SHB: variants seen among roughly 807,000 people sequenced by gnomAD.
The protein encoded by SHB is SH2 domain containing adaptor protein B.
In SHB, 20 loss-of-function variants were observed where a neutral mutation model predicts 52.3. That is an observed-to-expected ratio of 0.38 (90% CI 0.27 to 0.56). SHB has a LOEUF of 0.56. SHB is among the 20% of genes least tolerant of loss of function. The pLI is 0.71. For synonymous variants in SHB, 397 were observed against 316.5 expected (o/e 1.25, Z -2.70); for missense variants, 825 against 723.3 (o/e 1.14, Z -1.61).
rs542090998 is a variant in SHB at position 38,052,827 on chromosome 9, G to A, written c.717+15102C>T. On this transcript the variant is annotated intron_variant, in intron 1 of 5. Transcript: ENST00000377707. ...TGGCTTCTCCTCCATCATCTACTAG[G>A]GACCATTCAGAGGGCCCCTCTCCCG... Among the ~76,000 whole-genome samples, 7 of 152,254 alleles carry A rather than the reference G, an allele frequency of 4.6e-5. No individual in the cohort carries two copies. The South Asian group carries it at 1.5e-3, about 32-fold the overall frequency.
At chr9:37,997,684 TGTG>T (rs202184007) in intron 2 of SHB, among the ~76,000 whole-genome samples, 2,096 of 152,322 alleles carry the variant, frequency 0.014, 18 homozygotes, top group Middle Eastern at 0.034. Flanking sequence ...ATCTCATCTT[TGTG>T]GTTGGCCTTC....
At chr9:38,006,690 G>A (rs539679793) in intron 2 of SHB, among the ~76,000 whole-genome samples, 7 of 152,352 alleles carry the variant, frequency 4.6e-5, no homozygotes, top group Admixed American at 1.3e-4. Flanking sequence ...AGCCCTCGCT[G>A]ACAAACGCTC....
chr9:38,048,501 G>A (rs148588399), intron 1 of SHB, among the ~76,000 whole-genome samples: 97 of 152,250 alleles, frequency 6.4e-4, no homozygotes, highest in Non-Finnish European at 8.4e-4. Flanking sequence ...GGGCATGGTG[G>A]TGAGTGCCTG....
chr9:38,023,905 C>T (rs1821310726), intron 1 of SHB, among the ~76,000 whole-genome samples: 1 of 152,234 alleles, frequency 6.6e-6, no homozygotes, highest in African/African-American at 2.4e-5. Flanking sequence ...CTCTTCCTGT[C>T]CTCAGCTTTG....
At chr9:38,030,326 T>C (rs1470301866) in intron 1 of SHB, among the ~76,000 whole-genome samples, 3 of 152,134 alleles carry the variant, frequency 2.0e-5, no homozygotes, top group African/African-American at 7.2e-5. Context: ...CACAGCAAAA[T>C]GAGCCCAGAT....
chr9:37,969,396 A>T (rs1377574887), intron 3 of SHB, among the ~76,000 whole-genome samples: 1 of 152,200 alleles, frequency 6.6e-6, no homozygotes, highest in Non-Finnish European at 1.5e-5. Context: ...GAGGGTGATT[A>T]TGAGGATTGA....
intron 1 of SHB, among the ~76,000 whole-genome samples, chr9:38,036,166 C>G (rs1295783504): frequency 6.6e-6 from 1 of 152,156 alleles, no homozygotes; most frequent in African/African-American, 2.4e-5. Flanking sequence ...TTGCTCAAGC[C>G]CTGCTGCCCC....
chr9:37,983,008 C>A (rs1820757649), intron 2 of SHB, among the ~76,000 whole-genome samples: 1 of 146,952 alleles, frequency 6.8e-6, no homozygotes, highest in Non-Finnish European at 1.5e-5. Context: ...GTGCTGGCAT[C>A]CACCTGTCCT....
At chr9:38,027,444 C>T (rs934342969) in intron 1 of SHB, among the ~76,000 whole-genome samples, 1 of 152,142 alleles carries the variant, frequency 6.6e-6, no homozygotes, top group African/African-American at 2.4e-5. Context: ...AGATGCTGCT[C>T]TTATCCTCTA....
chr9:37,924,760 GCAAA>G (rs1204970069), intron 5 of SHB, among the ~76,000 whole-genome samples: 29 of 152,200 alleles, frequency 1.9e-4, no homozygotes, highest in Admixed American at 1.9e-3. Flanking sequence ...AAACTGTAGA[GCAAA>G]CAACTTTAAG....
At chr9:37,927,725 G>C (rs1181114811) in intron 5 of SHB, among the ~76,000 whole-genome samples, 1 of 152,208 alleles carries the variant, frequency 6.6e-6, no homozygotes, top group Non-Finnish European at 1.5e-5. Context: ...CCCATTACCA[G>C]GGGTGTGTAA....
chr9:37,917,003 G>A lies in SHB; in HGVS notation c.*2818C>T, dbSNP rs1832107724. On this transcript the variant is annotated 3_prime_UTR_variant, in exon 6 of 6. Coordinates refer to ENST00000377707, the MANE Select transcript of SHB (RefSeq NM_003028.3). ...TTTTCTTTTCTCTCAAAGAAATCCA[G>A]CTCAATTTTTTCCCCAATTAATTGG... Among the ~76,000 whole-genome samples the A allele has an allele frequency of 2.0e-5, 3 of 149,702 alleles. No individual in the cohort carries two copies. In the South Asian group the frequency reaches 6.3e-4, roughly 31 times the overall value.
At chr9:37,968,961 C>A (rs1820562850) in intron 3 of SHB, among the ~76,000 whole-genome samples, 2 of 152,264 alleles carry the variant, frequency 1.3e-5, no homozygotes, top group South Asian at 4.1e-4. Context: ...AAGACCAACC[C>A]ATGGGATGGC....
At chr9:37,986,908 G>A (rs1290845633) in intron 2 of SHB, among the ~76,000 whole-genome samples, 1 of 152,226 alleles carries the variant, frequency 6.6e-6, no homozygotes, top group Non-Finnish European at 1.5e-5. Flanking sequence ...CTGCACGAAG[G>A]GCCAGCGCCC....
At chr9:37,956,553 G>A (rs1832637031) in intron 3 of SHB, among the ~76,000 whole-genome samples, 1 of 152,286 alleles carries the variant, frequency 6.6e-6, no homozygotes, top group African/African-American at 2.4e-5. Context: ...TACATCCCCT[G>A]TATTCAGATC....
At chr9:37,961,708 C>A (rs568281810) in intron 3 of SHB, among the ~76,000 whole-genome samples, 27 of 152,352 alleles carry the variant, frequency 1.8e-4, no homozygotes, top group Non-Finnish European at 3.7e-4. Context: ...AAAACCCCAG[C>A]TATTCTTCAG....
At chr9:37,998,848 G>C (rs1198688969) in intron 2 of SHB, among the ~76,000 whole-genome samples, 1 of 152,246 alleles carries the variant, frequency 6.6e-6, no homozygotes, top group African/African-American at 2.4e-5. Context: ...CAAAGGCAAG[G>C]ATGAGATGGA....
At chr9:37,922,356 G>A (rs1405444776) in intron 5 of SHB, among the ~76,000 whole-genome samples, 1 of 152,250 alleles carries the variant, frequency 6.6e-6, no homozygotes, top group Non-Finnish European at 1.5e-5. Flanking sequence ...AGAGTCCGAA[G>A]CAGAAGCTAA....
rs796608994 is a variant in SHB, at chr9:37,999,215, C to T, written c.838+16796G>A. ...TGAGCAGGAAAGTAACATGATCTAG[C>T]CAGGCCTGGGAAACTCATCAGGGGA... is the stretch of plus-strand genomic sequence containing the variant. On this transcript the variant is annotated intron_variant, in intron 2 of 5. Transcript: ENST00000377707. Among the ~76,000 whole-genome samples, 5 of 152,196 alleles carry T rather than the reference C, an allele frequency of 3.3e-5. No individual in the cohort carries two copies. In the South Asian group the frequency reaches 8.3e-4, roughly 25 times the overall value.
Sources: allele counts gnomAD v4.1 joint callset (sites outside exome capture counted in the v4.1 genomes callset), GRCh38; gene constraint gnomAD v4.1.1; transcripts MANE v1.5; gene names NCBI Gene and HGNC (gene_info 2026-07-23, HGNC 2026-07-21).